The following EDNRA variants were observed in gnomAD, a reference collection of about 807,000 sequenced individuals.
EDNRA encodes endothelin receptor type A.
EDNRA carries 11 observed loss-of-function variants against 41.4 expected under a neutral mutation model. That is an observed-to-expected ratio of 0.27 (90% CI 0.17 to 0.44). The LOEUF (loss-of-function observed/expected upper bound fraction) is 0.44, where lower values mean the gene tolerates loss of function less well. EDNRA is among the 20% of genes least tolerant of loss of function. The pLI, the probability that EDNRA is intolerant of heterozygous loss-of-function variation, is 1.00. For synonymous variants in EDNRA, 172 were observed against 183.0 expected, an observed-to-expected ratio of 0.94 and a Z score of 0.49; for missense variants, 294 against 531.0, an observed-to-expected ratio of 0.55 and a Z score of 4.39.
At chr4:147,532,417 G>T in intron 3 of EDNRA, 89 bp from the exon 4 acceptor site, 1 of 1,149,066 alleles carries the variant, frequency 8.7e-7, no homozygotes. Context: ...TTGGCAATGA[G>T]GAGGAACTTC....
chr4:147,513,705 T>C (rs1730001523), intron 2 of EDNRA, among the ~76,000 whole-genome samples: 1 of 152,140 alleles, frequency 6.6e-6, no homozygotes, highest in Admixed American at 6.5e-5. Context: ...CTATAATAAT[T>C]CATATTGAAG....
chr4:147,505,212 A>T (rs1170791292), intron 2 of EDNRA, among the ~76,000 whole-genome samples: 1 of 122,856 alleles, frequency 8.1e-6, no homozygotes, highest in East Asian at 2.1e-4. Flanking sequence ...TAAAAAAAAA[A>T]AAAAGAGAGA....
chr4:147,495,774 A>C (rs1729282392), intron 2 of EDNRA: 1 of 152,226 alleles, frequency 6.6e-6, no homozygotes, highest in Non-Finnish European at 1.5e-5. Flanking sequence ...CTGGGTTAGA[A>C]ACATCAGGCT....
intron 5 of EDNRA, 45 bp downstream of exon 5, chr4:147,536,074 C>T: frequency 6.2e-7 from 1 of 1,607,184 alleles, no homozygotes; most frequent in Non-Finnish European, 8.5e-7. Flanking sequence ...ACTGGTTAGT[C>T]CTTGACAGCA....
chr4:147,482,649 G>T (rs1488799600), intron 1 of EDNRA, among the ~76,000 whole-genome samples: 1 of 152,164 alleles, frequency 6.6e-6, no homozygotes, highest in African/African-American at 2.4e-5. Flanking sequence ...AGCTTAACAT[G>T]TGTGGAGAGC....
chr4:147,542,941 C>T lies in EDNRA; in HGVS notation c.*323C>T. 5.2e-6 allele frequency: 1 copy of T among 190,874 alleles called. No individual in the cohort carries two copies. Among genetic ancestry groups the T allele is most frequent in the South Asian group, 1.6e-4 (1 of 6,256 alleles). The allele number at this position is 190,874 out of a possible 1,614,324, so 11.8% of individuals were successfully genotyped here. The stretch of plus-strand genomic sequence containing the variant: ...TACTTTTGCATGAAAATAGAGCTTT[C>T]AAGTACATGGCTAGCTTTTATGGCA... On this transcript the variant is annotated 3_prime_UTR_variant, in exon 8 of 8. Transcript: ENST00000651419.
intron 3 of EDNRA, among the ~76,000 whole-genome samples, chr4:147,527,093 C>G (rs1207769958): frequency 1.3e-5 from 2 of 152,118 alleles, no homozygotes; most frequent in Non-Finnish European, 2.9e-5. Context: ...GGCACTGTAC[C>G]TTATGGAAGT....
intron 2 of EDNRA, among the ~76,000 whole-genome samples, chr4:147,506,938 G>A (rs1413270927): frequency 6.6e-6 from 1 of 152,082 alleles, no homozygotes; most frequent in African/African-American, 2.4e-5. Context: ...TGTTTTTTGA[G>A]GAGAAAGAAC....
intron 2 of EDNRA, chr4:147,488,827 C>G (rs1055596811): frequency 2.5e-4 from 38 of 152,368 alleles, no homozygotes; most frequent in African/African-American, 7.9e-4. Flanking sequence ...TCCCTTTCCC[C>G]CATAGCTGCC....
chr4:147,510,074 C>A (rs1399264341), intron 2 of EDNRA, among the ~76,000 whole-genome samples: 1 of 152,106 alleles, frequency 6.6e-6, no homozygotes, highest in Non-Finnish European at 1.5e-5. Context: ...CTAAGATGAA[C>A]AGTGTTGATC....
At chr4:147,512,563 A>G (rs1460078375) in intron 2 of EDNRA, among the ~76,000 whole-genome samples, 1 of 152,244 alleles carries the variant, frequency 6.6e-6, no homozygotes, top group Non-Finnish European at 1.5e-5. Context: ...ACGGGAACTA[A>G]CATTTATGAT....
chr4:147,540,297 T>G, intron 6 of EDNRA, 80 bp from the exon 7 acceptor site: 1 of 1,187,916 alleles, frequency 8.4e-7, no homozygotes, highest in Non-Finnish European at 1.2e-6. Flanking sequence ...AGAAAAATGC[T>G]TATTCTAGGA....
chr4:147,506,404 TAA>T (rs1276274821), intron 2 of EDNRA: 1 of 399,584 alleles, frequency 2.5e-6, no homozygotes, highest in Non-Finnish European at 4.9e-6. Flanking sequence ...TACATGAGAT[TAA>T]AAAGATTGCA....
chr4:147,523,209 C>A (rs995810031), intron 3 of EDNRA, among the ~76,000 whole-genome samples: 11 of 152,072 alleles, frequency 7.2e-5, no homozygotes, highest in Non-Finnish European at 1.0e-4. Flanking sequence ...TTAAAAGGTG[C>A]CAGACTCTTA....
chr4:147,540,950 C>T (rs940244523), intron 7 of EDNRA, among the ~76,000 whole-genome samples: 2 of 151,140 alleles, frequency 1.3e-5, no homozygotes, highest in East Asian at 2.0e-4. Context: ...GGCATGGTGG[C>T]GGGCACCTGC....
chr4:147,514,387 C>G (rs1730030717), intron 2 of EDNRA, among the ~76,000 whole-genome samples: 1 of 152,162 alleles, frequency 6.6e-6, no homozygotes, highest in Non-Finnish European at 1.5e-5. Flanking sequence ...ACTTTATGTG[C>G]TGATGTCTTT....
chr4:147,523,786 G>A (rs893559686), intron 3 of EDNRA, among the ~76,000 whole-genome samples: 4 of 152,066 alleles, frequency 2.6e-5, no homozygotes, highest in Non-Finnish European at 5.9e-5. Flanking sequence ...CACCGCGCCC[G>A]TCCTGTTTTG....
chr4:147,492,655 A>G (rs1375332044), intron 2 of EDNRA: 2 of 120,830 alleles, frequency 1.7e-5, no homozygotes, highest in Non-Finnish European at 3.5e-5. Flanking sequence ...TTCATATCAC[A>G]GAAGTTTTTT....
At position 147,486,116 on chromosome 4, in the gene EDNRA, C is replaced by T. The variant is rs201302635; in HGVS notation, c.420+15C>T. On this transcript the variant is annotated intron_variant, in intron 2 of 7. Coordinates refer to ENST00000651419, the MANE Select transcript of EDNRA (RefSeq NM_001957.4). This position sits in a 1 kb window ranked among gnomAD's most constrained non-coding sequence, Gnocchi z 4.3. ...ATGTATTTAAGGTAGGAAGTAACCA[C>T]AAATGTATTTGCAAATTTAAACCCA... 33 of 1,589,116 alleles carry T rather than the reference C, an allele frequency of 2.1e-5. No individual in the cohort carries two copies. Among genetic ancestry groups the T allele is most frequent in the East Asian group, 2.2e-5 (1 of 44,572 alleles).
Sources: allele counts gnomAD v4.1 joint callset (sites outside exome capture counted in the v4.1 genomes callset), GRCh38; gene constraint gnomAD v4.1.1; non-coding constraint Gnocchi (gnomAD v3.1); transcripts MANE v1.5; gene names NCBI Gene and HGNC (gene_info 2026-07-23, HGNC 2026-07-21).